The following CATSPERB variants were observed in gnomAD, a reference collection of about 807,000 sequenced individuals.
CATSPERB encodes catsper channel auxiliary subunit beta.
A neutral mutation model predicts 128.3 loss-of-function variants in CATSPERB; 93 were observed. The ratio of observed to expected loss-of-function variants is 0.72; its 90% CI spans 0.61 to 0.86. The LOEUF (loss-of-function observed/expected upper bound fraction) is 0.86, where lower values mean the gene tolerates loss of function less well. Ranked by LOEUF, CATSPERB falls within the 40% of genes least tolerant of loss-of-function variation. CATSPERB has a pLI of 0.00. For synonymous variants in CATSPERB, 381 were observed against 448.8 expected (o/e 0.85, Z 1.91); for missense variants, 1,153 against 1,329.5 (o/e 0.87, Z 2.06).
Position 91,587,912 on chromosome 14 carries a change from A to G in CATSPERB, c.3057+66T>C, listed in dbSNP as rs541713211. Reference sequence around the variant, plus strand: ...TACCTATACTTTAGAATTAAAACCAATCTTAGTTTAGACATACATGTTTTA... The same window carrying G: ...TACCTATACTTTAGAATTAAAACCAGTCTTAGTTTAGACATACATGTTTTA... On this transcript the variant is annotated intron_variant, in intron 25 of 26. Transcript: ENST00000256343. 9 of 1,004,152 alleles carry G rather than the reference A, an allele frequency of 9.0e-6. No homozygotes were observed. The East Asian group carries it at 1.7e-4, about 19-fold the overall frequency. The allele number at this position is 1,004,152 out of a possible 1,614,324, so 62.2% of individuals were successfully genotyped here.
chr14:91,649,154 G>T (rs1236371709), intron 15 of CATSPERB, among the ~76,000 whole-genome samples: 1 of 152,154 alleles, frequency 6.6e-6, no homozygotes, highest in African/African-American at 2.4e-5. Context: ...CTCAATAAAT[G>T]CTGCTGAATA....
In CATSPERB at chr14:91,580,986, GGATGGATGCCTTGCA is replaced by G; in HGVS notation, c.3239_3253del (p.Leu1080_His1084del). On this transcript the variant is annotated inframe_deletion, in exon 27 of 27. Coordinates refer to ENST00000256343, the MANE Select transcript of CATSPERB (RefSeq NM_024764.4). ...AATCCATCTTTGGAATGTCCTCCAC[GGATGGATGCCTTGCA>G]GTTGAAACATAAATGCTATAAAAAT... 6.2e-7 allele frequency: 1 copy of G among 1,614,070 alleles called. No individual in the cohort carries two copies. The highest frequency in any genetic ancestry group is 2.2e-5 in the East Asian group (1 of 44,884).
chr14:91,713,898 C>T (rs1895885181), intron 5 of CATSPERB, among the ~76,000 whole-genome samples: 2 of 151,982 alleles, frequency 1.3e-5, no homozygotes, highest in Admixed American at 1.3e-4. Flanking sequence ...ATACTGATAA[C>T]CTAGGAAACC....
chr14:91,587,471 C>T (rs1893323555), intron 25 of CATSPERB, among the ~76,000 whole-genome samples, 195 bp from the exon 26 acceptor site: 1 of 100,290 alleles, frequency 1.0e-5, no homozygotes. Context: ...GATTCAATAG[C>T]TGATACTTTT....
Position 91,624,988 on chromosome 14 carries a change from TG to T in CATSPERB, c.1761del (p.Tyr587Ter). Reference protein sequence around the residue: ...VIHSGKTGRAYIRKVLQHTTP... With the variant: ...VIHSGKTGRAXIRKVLQHTTP... ...GTCGTATGTTGCAATACCTTTCTTA[TG>T]TAAGCTCTTCCAGTTTTCCTAAAAA... On this transcript the variant is annotated frameshift_variant, in exon 18 of 27. Coordinates refer to ENST00000256343, the MANE Select transcript of CATSPERB (RefSeq NM_024764.4). LOFTEE classifies it high-confidence loss of function. 6.3e-7 allele frequency: 1 copy of T among 1,583,120 alleles called. No homozygotes were observed. Among genetic ancestry groups the T allele is most frequent in the Non-Finnish European group, 8.5e-7 (1 of 1,170,596 alleles).
chr14:91,687,538 C>A (rs866737239), intron 10 of CATSPERB, among the ~76,000 whole-genome samples: 6 of 152,132 alleles, frequency 3.9e-5, no homozygotes, highest in Admixed American at 1.3e-4. Flanking sequence ...TTTGCCTGTG[C>A]CTTTATCTTG....
intron 19 of CATSPERB, among the ~76,000 whole-genome samples, chr14:91,618,382 C>A (rs943709325): frequency 2.6e-5 from 4 of 152,200 alleles, no homozygotes; most frequent in Non-Finnish European, 5.9e-5. Flanking sequence ...TAGGTCTCAG[C>A]CTCATTTTAC....
At chr14:91,719,629 C>T in intron 4 of CATSPERB, 151 bp from the exon 5 acceptor site, 1 of 582,774 alleles carries the variant, frequency 1.7e-6, no homozygotes, top group Non-Finnish European at 3.0e-6. Flanking sequence ...ATTTTTCCTA[C>T]ATTATGCTCA....
chr14:91,663,236 A>G (rs1261395149), intron 14 of CATSPERB, among the ~76,000 whole-genome samples: 1 of 152,194 alleles, frequency 6.6e-6, no homozygotes, highest in Non-Finnish European at 1.5e-5. Flanking sequence ...GCTGACTTAC[A>G]GGTGAGATTT....
At chr14:91,718,562 G>A (rs554595261) in intron 5 of CATSPERB, among the ~76,000 whole-genome samples, 2 of 152,212 alleles carry the variant, frequency 1.3e-5, no homozygotes, top group South Asian at 4.1e-4. Context: ...ACTGTCCTGG[G>A]AATTTGGAAT....
intron 15 of CATSPERB, among the ~76,000 whole-genome samples, chr14:91,652,859 CAT>C (rs1391771774): frequency 6.6e-6 from 1 of 152,122 alleles, no homozygotes; most frequent in South Asian, 2.1e-4. Context: ...TGTCTCAACA[CAT>C]GATTCAGACA....
chr14:91,604,959 T>C (rs1893673827), intron 22 of CATSPERB: 1 of 1,176,616 alleles, frequency 8.5e-7, no homozygotes, highest in Non-Finnish European at 1.3e-6. Context: ...TGCTGGAGGC[T>C]GAAGTATTTC....
chr14:91,622,824 G>A (rs893894689), intron 18 of CATSPERB, among the ~76,000 whole-genome samples: 2 of 150,090 alleles, frequency 1.3e-5, no homozygotes, highest in African/African-American at 2.5e-5. Flanking sequence ...ATAATTTTTC[G>A]AACCCATTCC....
At chr14:91,649,331 ATGTG>A (rs55880138) in intron 15 of CATSPERB, among the ~76,000 whole-genome samples, 41,567 of 147,200 alleles carry the variant, frequency 0.28, 6,667 homozygotes, top group Admixed American at 0.47. Flanking sequence ...GTATACATAT[ATGTG>A]TGTGTGTGTG....
intron 2 of CATSPERB, among the ~76,000 whole-genome samples, chr14:91,725,789 A>G (rs1896110154): frequency 1.3e-5 from 2 of 152,148 alleles, no homozygotes; most frequent in South Asian, 4.1e-4. Flanking sequence ...CAAAGGTCCC[A>G]TCCTCAAGCC....
At chr14:91,678,461 G>A (rs1430975097) in intron 11 of CATSPERB, among the ~76,000 whole-genome samples, 1 of 152,118 alleles carries the variant, frequency 6.6e-6, no homozygotes, top group Non-Finnish European at 1.5e-5. Context: ...GGATATTTGT[G>A]TGTGCATATA....
In CATSPERB at chr14:91,588,027, A is replaced by G; in HGVS notation, c.3008T>C (p.Ile1003Thr). Reference protein sequence around the residue: ...IKRMKQLVEPILGAAVYNPSG... With the variant: ...IKRMKQLVEPTLGAAVYNPSG... ...AGGATTATACACTGCAGCACCAAGA[A>G]TTGGTTCTACTAATTGTTTCATTCT... Residue 1003 changes from isoleucine (I) to threonine (T), a missense_variant, in exon 25 of 27, where the codon ATT becomes ACT. Ile to Thr is a moderately conservative substitution (Grantham distance 89). Coordinates refer to ENST00000256343, the MANE Select transcript of CATSPERB (RefSeq NM_024764.4). 1 of 1,612,534 alleles carries G rather than the reference A, an allele frequency of 6.2e-7. No homozygotes were observed. Among genetic ancestry groups the G allele is most frequent in the African/African-American group, 1.3e-5 (1 of 74,990 alleles).
At position 91,732,018 on chromosome 14, in the gene CATSPERB, A is replaced by G. The variant is rs536835171; in HGVS notation, c.-89T>C. The G allele has an allele frequency of 1.4e-4, 21 of 152,742 alleles. No individual in the cohort carries two copies. The highest frequency in any genetic ancestry group is 4.8e-4 in the African/African-American group (20 of 41,564). The allele number at this position is 152,742 out of a possible 1,614,324, so 9.5% of individuals were successfully genotyped here. Reference sequence around the variant, plus strand: ...ATATAGACTGAGAAGAAAGACCCAAAGTCAGGAGCCAAGTTTTCCCTGTTG... The same window carrying G: ...ATATAGACTGAGAAGAAAGACCCAAGGTCAGGAGCCAAGTTTTCCCTGTTG... On this transcript the variant is annotated 5_prime_UTR_variant, in exon 1 of 27. Coordinates refer to ENST00000256343, the MANE Select transcript of CATSPERB (RefSeq NM_024764.4).
intron 22 of CATSPERB, among the ~76,000 whole-genome samples, chr14:91,601,076 G>A (rs1176215306): frequency 6.6e-6 from 1 of 152,206 alleles, no homozygotes; most frequent in Admixed American, 6.5e-5. Flanking sequence ...ACAACTTTAT[G>A]TGAGGTTTCT....
Sources: allele counts gnomAD v4.1 joint callset (sites outside exome capture counted in the v4.1 genomes callset), GRCh38; gene constraint gnomAD v4.1.1; transcripts MANE v1.5; gene names NCBI Gene and HGNC (gene_info 2026-07-23, HGNC 2026-07-21).